KLHL35: variants seen among roughly 807,000 people sequenced by gnomAD.
The protein encoded by KLHL35 is kelch-like protein 35.
KLHL35 carries 50 observed loss-of-function variants against 44.0 expected under a neutral mutation model. The ratio of observed to expected loss-of-function variants is 1.14; its 90% CI spans 0.91 to 1.44. The LOEUF is 1.44. Among genes scored for constraint, KLHL35 ranks in the 40% most tolerant of loss-of-function variants. KLHL35 has a pLI of 0.00. For missense variants in KLHL35, 1,049 were observed against 887.8 expected (o/e 1.18, Z -2.31); for synonymous variants, 470 against 410.4 (o/e 1.15, Z -1.76).
At position 75,428,496 on chromosome 11, in the gene KLHL35, A is replaced by G; in HGVS notation, c.1012T>C (p.Tyr338His). The change falls in exon 3 of 7, where the codon TAC becomes CAC. Residue 338 changes from tyrosine to histidine, a missense_variant. Coordinates refer to ENST00000539798, the MANE Select transcript of KLHL35 (RefSeq NM_001039548.3). Reference sequence around the variant, plus strand: ...CAGGCGGCGAATTCTGAGCGAGTGTAGCCGGGCAGGCTGGGCAGTGGGGTC... The same window carrying G: ...CAGGCGGCGAATTCTGAGCGAGTGTGGCCGGGCAGGCTGGGCAGTGGGGTC... The part of the protein sequence containing the change: ...RWTPLPSLPG[Y>H]TRSEFAACAL... The G allele has an allele frequency of 6.2e-7, 1 of 1,612,606 alleles. No homozygotes were observed. The highest frequency in any genetic ancestry group is 1.1e-5 in the South Asian group (1 of 91,090).
In KLHL35 at chr11:75,430,044, G is replaced by A; in HGVS notation, c.586C>T (p.Pro196Ser). ...ARHADFLELA[P>S]DEVVALLADP... ...GCCAGCAGCGCCACCACCTCGTCAG[G>A]CGCCAGCTCCAGGAAGTCGGCGTGG... Residue 196 changes from proline (P) to serine (S), a missense_variant, in exon 2 of 7, where the codon CCT (proline) becomes TCT (serine). Pro to Ser is a moderately conservative substitution (Grantham distance 74). Transcript: ENST00000539798. The A allele has an allele frequency of 1.4e-6, 2 of 1,412,216 alleles. No homozygotes were observed. Among genetic ancestry groups the A allele is most frequent in the Admixed American group, 2.9e-5 (1 of 34,666 alleles). 87.5% of individuals were successfully genotyped at this position (1,412,216 alleles called of 1,614,324 possible).
intron 2 of KLHL35, among the ~76,000 whole-genome samples, chr11:75,429,527 G>A (rs1010434904): frequency 1.3e-5 from 2 of 152,248 alleles, no homozygotes; most frequent in Admixed American, 6.5e-5. Flanking sequence ...AATTACGGTT[G>A]CATGGGCCAA....
In KLHL35 at chr11:75,429,740, C is replaced by A; in HGVS notation, c.881+9G>T. On this transcript the variant is annotated intron_variant, in intron 2 of 6. Coordinates refer to ENST00000539798, the MANE Select transcript of KLHL35 (RefSeq NM_001039548.3). Reference sequence around the variant, plus strand: ...CGGAGGGCGGGAAGCTAGGGGATGGCGGCCCTACCTCCGCGGCCGGGTCCG... The same window carrying A: ...CGGAGGGCGGGAAGCTAGGGGATGGAGGCCCTACCTCCGCGGCCGGGTCCG... 6.9e-7 allele frequency: 1 copy of A among 1,445,610 alleles called. No homozygotes were observed. Among genetic ancestry groups the A allele is most frequent in the Admixed American group, 2.8e-5 (1 of 35,244 alleles). 89.5% of individuals were successfully genotyped at this position (1,445,610 alleles called of 1,614,324 possible). A position where few individuals can be genotyped will look rare whatever the true frequency, so the allele number is the denominator to read the frequency against.
intron 4 of KLHL35, 30 bp from the exon 5 acceptor site, chr11:75,425,611 G>A (rs1313855817): frequency 9.0e-6 from 13 of 1,442,106 alleles, no homozygotes; most frequent in East Asian, 5.5e-5. Flanking sequence ...CCGGGGAGCC[G>A]GGTGCCAGGG....
intron 1 of KLHL35, among the ~76,000 whole-genome samples, chr11:75,431,579 G>C (rs962932142): frequency 1.3e-5 from 2 of 152,224 alleles, no homozygotes; most frequent in African/African-American, 4.8e-5. Flanking sequence ...TCTCTAGTGA[G>C]TTCTCTTGGT....
chr11:75,428,691 C>T, intron 2 of KLHL35, 65 bp from the exon 3 acceptor site: 1 of 1,381,494 alleles, frequency 7.2e-7, no homozygotes, highest in Non-Finnish European at 9.8e-7. Context: ...CTTACCCTCT[C>T]GACCACACTG....
intron 1 of KLHL35, 65 bp from the exon 2 acceptor site, chr11:75,430,695 GC>G: frequency 8.1e-7 from 1 of 1,240,416 alleles, no homozygotes; most frequent in Middle Eastern, 2.8e-4. Context: ...AGAGGCGACA[GC>G]CCTCATCCGT....
chr11:75,431,364 G>A (rs984288537), intron 1 of KLHL35, among the ~76,000 whole-genome samples: 1 of 152,260 alleles, frequency 6.6e-6, no homozygotes, highest in African/African-American at 2.4e-5. Flanking sequence ...CAGTGAGCAA[G>A]ACAACCATAG....
At chr11:75,429,484 G>A (rs1948515574) in intron 2 of KLHL35, among the ~76,000 whole-genome samples, 1 of 152,192 alleles carries the variant, frequency 6.6e-6, no homozygotes, top group Non-Finnish European at 1.5e-5. Flanking sequence ...CCGGCACCCT[G>A]CACAGAACTT....
chr11:75,425,552 C>G lies in KLHL35; in HGVS notation c.1215G>C (p.Leu405=), dbSNP rs755332996. ...QLFAVGGFDG[L]RRLHSVERYD... is the part of the protein sequence containing the mutation. ...AGCGCTCCACGCTGTGCAGGCGCCT[C>G]AGGCCGTCGAAGCCACCCACCGCGA... The change falls in exon 5 of 7, where the codon CTG becomes CTC. Residue 405 remains leucine (L), a synonymous_variant. Coordinates refer to ENST00000539798, the MANE Select transcript of KLHL35 (RefSeq NM_001039548.3). The G allele has an allele frequency of 6.7e-7, 1 of 1,492,260 alleles. No individual in the cohort carries two copies. Among genetic ancestry groups the G allele is most frequent in the South Asian group, 1.3e-5 (1 of 74,610 alleles). 92.4% of individuals were successfully genotyped at this position (1,492,260 alleles called of 1,614,324 possible).
Position 75,425,411 on chromosome 11 carries a change from GC to G in KLHL35, c.1355del (p.Gly452AlafsTer47), listed in dbSNP as rs1418739620. 1 of 1,558,384 alleles carries G rather than the reference GC, an allele frequency of 6.4e-7. No individual in the cohort carries two copies. The highest frequency in any genetic ancestry group is 2.4e-5 in the East Asian group (1 of 42,240). ...CGCCCACCTTGTCCGTGTTGACGCC[GC>G]CCTGCCTGGCGCCCCCAATCACGAA... ...KLFVIGGARQ[G>X]GVNTDKVQCF... On this transcript the variant is annotated frameshift_variant, in exon 5 of 7. Transcript: ENST00000539798. LOFTEE classifies it high-confidence loss of function.
Position 75,422,735 on chromosome 11 carries a change from C to G in KLHL35, c.1597G>C (p.Val533Leu). ...TCATCCCGCCCGCCAAGGATGTGGACCTTCCCGTCACACACAGTGACTCCA... is the reference window on the plus strand; with the variant it reads ...TCATCCCGCCCGCCAAGGATGTGGAGCTTCCCGTCACACACAGTGACTCCA... The part of the protein sequence containing the change: ...SCGVTVCDGK[V>L]HILGGRDDRG... The change falls in exon 7 of 7, where the codon GTC becomes CTC. Residue 533 changes from valine to leucine, a missense_variant. Val to Leu is a conservative substitution (Grantham distance 32). Coordinates refer to ENST00000539798, the MANE Select transcript of KLHL35 (RefSeq NM_001039548.3). The G allele has an allele frequency of 6.2e-7, 1 of 1,613,950 alleles. No homozygotes were observed. Among genetic ancestry groups the G allele is most frequent in the Non-Finnish European group, 8.5e-7 (1 of 1,179,826 alleles).
At position 75,422,563 on chromosome 11, in the gene KLHL35, G is replaced by A. The variant is rs1460812988; in HGVS notation, c.*17C>T. The A allele has an allele frequency of 6.2e-7, 1 of 1,604,964 alleles. No individual in the cohort carries two copies. Among genetic ancestry groups the A allele is most frequent in the African/African-American group, 1.3e-5 (1 of 74,930 alleles). ...GCCTGCCTCTCCGCCTCCTGGCTCA[G>A]GCTGTCCAAATCTGAATCACCTGCC... On this transcript the variant is annotated 3_prime_UTR_variant, in exon 7 of 7. Transcript: ENST00000539798.
At chr11:75,432,101 A>C (rs1274783269) in intron 1 of KLHL35, among the ~76,000 whole-genome samples, 3 of 152,122 alleles carry the variant, frequency 2.0e-5, no homozygotes, top group African/African-American at 7.2e-5. Flanking sequence ...TATGAACACA[A>C]AACCTCTGCT....
intron 2 of KLHL35, among the ~76,000 whole-genome samples, 193 bp downstream of exon 2, chr11:75,429,556 T>C (rs1270746380): frequency 6.6e-6 from 1 of 152,246 alleles, no homozygotes; most frequent in Non-Finnish European, 1.5e-5. Flanking sequence ...TGCGCAGCTG[T>C]GGGGTCTCTG....
At chr11:75,427,553 T>G (rs1948501996) in intron 3 of KLHL35, among the ~76,000 whole-genome samples, 1 of 152,242 alleles carries the variant, frequency 6.6e-6, no homozygotes, top group African/African-American at 2.4e-5. Flanking sequence ...AGTGGTAATC[T>G]GTGGCCTGGA....
At chr11:75,431,428 G>T (rs1948536217) in intron 1 of KLHL35, among the ~76,000 whole-genome samples, 1 of 152,224 alleles carries the variant, frequency 6.6e-6, no homozygotes, top group Admixed American at 6.5e-5. Flanking sequence ...GGAGGCACCG[G>T]GTGTTAGGGG....
chr11:75,430,255 G>C lies in KLHL35; in HGVS notation c.375C>G (p.Ala125=). The part of the protein sequence containing the change: ...VRLRAEDEAA[A]VLALAERLGV... The stretch of plus-strand genomic sequence containing the variant: ...CCAGCCGCTCCGCCAGCGCCAGCAC[G>C]GCCGCCGCCTCGTCCTCCGCGCGCA... Residue 125 remains alanine (A), a synonymous_variant, in exon 2 of 7, where the codon GCC becomes GCG. Coordinates refer to ENST00000539798, the MANE Select transcript of KLHL35 (RefSeq NM_001039548.3). The C allele has an allele frequency of 8.3e-7, 1 of 1,208,762 alleles. No individual in the cohort carries two copies. The highest frequency in any genetic ancestry group is 1.0e-6 in the Non-Finnish European group (1 of 973,128). 74.9% of individuals were successfully genotyped at this position (1,208,762 alleles called of 1,614,324 possible).
intron 1 of KLHL35, among the ~76,000 whole-genome samples, chr11:75,432,340 A>T (rs1031726947): frequency 3.3e-5 from 5 of 152,070 alleles, no homozygotes; most frequent in African/African-American, 4.8e-5. Context: ...GGTGGGCAAG[A>T]AAGTTAACTA....
Sources: gnomAD v4.1 joint callset for allele counts (sites outside exome capture counted in the v4.1 genomes callset) on GRCh38, gnomAD v4.1.1 for gene constraint, MANE v1.5 for transcripts, NCBI Gene and HGNC (gene_info 2026-07-23, HGNC 2026-07-21) for gene names.